The following SH3TC2 variants were observed in gnomAD, a reference collection of about 807,000 sequenced individuals.
SH3TC2 encodes SH3 domain and tetratricopeptide repeats 2.
Under a neutral mutation model 124.5 loss-of-function variants are expected in SH3TC2, and 87 were observed. That is an observed-to-expected ratio of 0.70 (90% confidence interval 0.59 to 0.84). SH3TC2 has a LOEUF of 0.84. Ranked by LOEUF, SH3TC2 falls within the 40% of genes least tolerant of loss-of-function variation. The probability of loss-of-function intolerance (pLI) is 0.00; values close to 1 mark genes in which losing one functional copy is unlikely to be tolerated. For synonymous variants in SH3TC2, 634 were observed against 628.5 expected (o/e 1.01, Z -0.13); for missense variants, 1,536 against 1,566.4 (o/e 0.98, Z 0.33).
At chr5:149,038,264 G>C (rs1364236520) in intron 8 of SH3TC2, 31 bp downstream of exon 8, 2 of 1,605,854 alleles carry the variant, frequency 1.2e-6, no homozygotes, top group Admixed American at 3.3e-5. Context: ...AGGGAGCCCA[G>C]CTCCAGGACA....
rs747636302 is a variant in SH3TC2 at position 149,027,385 on chromosome 5, C to T, written c.2347G>A (p.Ala783Thr). ...PDGAIHYLSQ[A>T]LVLGQLLGEQ... ...CCCAGCAGCTGCCCTAGCACCAAGG[C>T]CTGGCTCAGGTAGTGGATGGCACCG... The change falls in exon 11 of 17, where the codon GCC becomes ACC. Residue 783 changes from alanine (A) to threonine (T), a missense_variant. Coordinates refer to ENST00000515425, the MANE Select transcript of SH3TC2 (RefSeq NM_024577.4). 6.2e-7 allele frequency: 1 copy of T among 1,614,150 alleles called. No homozygotes were observed. Among genetic ancestry groups the T allele is most frequent in the Non-Finnish European group, 8.5e-7 (1 of 1,180,022 alleles).
At chr5:149,051,081 C>T (rs1561773020) in intron 2 of SH3TC2, among the ~76,000 whole-genome samples, 1 of 152,170 alleles carries the variant, frequency 6.6e-6, no homozygotes, top group Non-Finnish European at 1.5e-5. Context: ...TCCCATCTAC[C>T]GTACAACAGA....
Position 148,991,624 on chromosome 5 carries a change from T to A in SH3TC2, c.*13087A>T, listed in dbSNP as rs1753420972. Among the ~76,000 whole-genome samples, 1 of 152,172 alleles carries A rather than the reference T, an allele frequency of 6.6e-6. No individual in the cohort carries two copies. The highest frequency in any genetic ancestry group is 6.5e-5 in the Admixed American group (1 of 15,278). On this transcript the variant is annotated 3_prime_UTR_variant, in exon 17 of 17. Transcript: ENST00000515425. ...GTCTCCAGACATTGCAGCTGGGTGG[T>A]TGAAATGCTTGCTCTGGGAGGGGTG...
intron 8 of SH3TC2, among the ~76,000 whole-genome samples, chr5:149,032,731 T>C (rs1401465222): frequency 6.6e-6 from 1 of 152,156 alleles, no homozygotes; most frequent in African/African-American, 2.4e-5. Context: ...CTTCTCTAAT[T>C]AAAGCAGTGT....
intron 16 of SH3TC2, 78 bp downstream of exon 16, chr5:149,006,803 G>C (rs1753697599): frequency 7.0e-7 from 1 of 1,419,886 alleles, no homozygotes. Flanking sequence ...CACCACAAAG[G>C]CTCCTCATTG....
In SH3TC2 at chr5:148,994,652, T is replaced by C. The variant is rs1753476278; in HGVS notation, c.*10059A>G. ...GTTGGTTGGTTGGTTGGTTGGTTGG[T>C]TGGTTGGTTAATTGGCTGGTTGGAT... On this transcript the variant is annotated 3_prime_UTR_variant, in exon 17 of 17. Coordinates refer to ENST00000515425, the MANE Select transcript of SH3TC2 (RefSeq NM_024577.4). 6.7e-6 allele frequency among the ~76,000 whole-genome samples: 1 copy of C among 149,754 alleles called. No homozygotes were observed.
intron 8 of SH3TC2, among the ~76,000 whole-genome samples, chr5:149,036,470 G>C (rs1287451978): frequency 6.6e-6 from 1 of 152,102 alleles, no homozygotes; most frequent in Non-Finnish European, 1.5e-5. Flanking sequence ...ATCCTCCAGG[G>C]TTCTTCCCCC....
intron 12 of SH3TC2, among the ~76,000 whole-genome samples, chr5:149,014,849 G>A (rs1561759707): frequency 6.6e-6 from 1 of 152,148 alleles, no homozygotes; most frequent in Non-Finnish European, 1.5e-5. Context: ...CAGCAGGCCT[G>A]GCCTCCACAA....
intron 12 of SH3TC2, among the ~76,000 whole-genome samples, chr5:149,012,966 C>T (rs1225329826): frequency 2.0e-5 from 3 of 152,080 alleles, no homozygotes; most frequent in Admixed American, 6.6e-5. Flanking sequence ...ATAATTGTGC[C>T]CACCTGAGCG....
At position 149,027,822 on chromosome 5, in the gene SH3TC2, A is replaced by G; in HGVS notation, c.1910T>C (p.Phe637Ser). Residue 637 changes from phenylalanine (F) to serine (S), a missense_variant, in exon 11 of 17, where the codon TTT (phenylalanine) becomes TCT (serine). By Grantham distance (155) the Phe-to-Ser change is radical. Around this residue, in one of 3 missense-constraint regions of SH3TC2, gnomAD observed 1,102 missense variants for 1,098.6 expected, o/e 1.00. Transcript: ENST00000515425. ...GSSPLEARAC[F>S]LAIRLLLSLG... Reference sequence around the variant, plus strand: ...GCTCAGGAGCAAGCGGATGGCCAGAAAGCAGGCCCTGGCCTCCAGCGGGCT... The same window carrying G: ...GCTCAGGAGCAAGCGGATGGCCAGAGAGCAGGCCCTGGCCTCCAGCGGGCT... The G allele has an allele frequency of 6.2e-7, 1 of 1,613,894 alleles. No individual in the cohort carries two copies. The highest frequency in any genetic ancestry group is 1.7e-5 in the Admixed American group (1 of 60,024).
Position 148,997,089 on chromosome 5 carries a change from A to G in SH3TC2, c.*7622T>C, listed in dbSNP as rs1753521073. 6.6e-6 allele frequency among the ~76,000 whole-genome samples: 1 copy of G among 152,214 alleles called. No individual in the cohort carries two copies. Among genetic ancestry groups the G allele is most frequent in the Non-Finnish European group, 1.5e-5 (1 of 68,042 alleles). On this transcript the variant is annotated 3_prime_UTR_variant, in exon 17 of 17. Coordinates refer to ENST00000515425, the MANE Select transcript of SH3TC2 (RefSeq NM_024577.4). ...TATTTGTTTTGCAACACATATTTGG[A>G]TGAGAAGGATGTTCCTAATAGCTTT... is the stretch of plus-strand genomic sequence containing the variant.
In SH3TC2 at chr5:148,992,935, C is replaced by G. The variant is rs1280302240; in HGVS notation, c.*11776G>C. 6.6e-6 allele frequency among the ~76,000 whole-genome samples: 1 copy of G among 152,158 alleles called. No individual in the cohort carries two copies. Among genetic ancestry groups the G allele is most frequent in the African/African-American group, 2.4e-5 (1 of 41,422 alleles). On this transcript the variant is annotated 3_prime_UTR_variant, in exon 17 of 17. Transcript: ENST00000515425. ...TATCATTGACTTTAACTTTGGTCCTCTGTATCTCATCATTTCCTTGAAGTT... is the reference window on the plus strand; with the variant it reads ...TATCATTGACTTTAACTTTGGTCCTGTGTATCTCATCATTTCCTTGAAGTT...
At chr5:149,007,117 C>T (rs774544516) in intron 15 of SH3TC2, 40 bp from the exon 16 acceptor site, 6 of 1,586,270 alleles carry the variant, frequency 3.8e-6, no homozygotes, top group Admixed American at 1.7e-5. Flanking sequence ...CTGCAACCAA[C>T]ACTTTGCATC....
chr5:149,021,884 CTTTTTTTTTTTTTTTTTTTTTTTTTT>C lies in SH3TC2; in HGVS notation c.3053+4662_3053+4687del, dbSNP rs869151294. On this transcript the variant is annotated intron_variant, in intron 12 of 16. Transcript: ENST00000515425. ...AACACCAATCCTTCACAAACTCTTT[CTTTTTTTTTTTTTTTTTTTTTTTTTT>C]TTTTTTTTTTTTTTTTTTTTTGAGA... 4.0e-4 allele frequency among the ~76,000 whole-genome samples: 13 copies of C among 32,866 alleles called. 1 individual carries two copies. The highest frequency in any genetic ancestry group is 2.3e-3 in the South Asian group (2 of 880). The allele number at this position is 32,866 out of a possible 152,430, so 21.6% of individuals were successfully genotyped here. A position where few individuals can be genotyped will look rare whatever the true frequency, so the allele number is the denominator to read the frequency against.
intron 3 of SH3TC2, chr5:149,047,405 G>A (rs1425980272): frequency 5.6e-6 from 1 of 179,164 alleles, no homozygotes; most frequent in Non-Finnish European, 1.2e-5. Flanking sequence ...AAGTTCTGGA[G>A]GTGGATAGGT....
Position 149,001,133 on chromosome 5 carries a change from G to A in SH3TC2, c.*3578C>T, listed in dbSNP as rs1335963761. Among the ~76,000 whole-genome samples, 3 of 151,846 alleles carry A rather than the reference G, an allele frequency of 2.0e-5. No individual in the cohort carries two copies. Among genetic ancestry groups the A allele is most frequent in the Non-Finnish European group, 4.4e-5 (3 of 68,014 alleles). On this transcript the variant is annotated 3_prime_UTR_variant, in exon 17 of 17. Transcript: ENST00000515425. ...CCCCAAATAAACTTCTGCCAAATGA[G>A]GTGCATTATATTTACAAAGAGGAAG... is the stretch of plus-strand genomic sequence containing the variant.
intron 12 of SH3TC2, among the ~76,000 whole-genome samples, chr5:149,025,090 T>A (rs1754041216): frequency 6.6e-6 from 1 of 152,134 alleles, no homozygotes; most frequent in African/African-American, 2.4e-5. Context: ...GACTATGTCA[T>A]CTCAATAGTT....
At chr5:149,021,754 T>C (rs575320673) in intron 12 of SH3TC2, among the ~76,000 whole-genome samples, 1 of 152,104 alleles carries the variant, frequency 6.6e-6, no homozygotes. Context: ...CTAATGATAT[T>C]GAATTAGCAA....
At position 149,027,539 on chromosome 5, in the gene SH3TC2, T is replaced by C. The variant is rs1406581397; in HGVS notation, c.2193A>G (p.Glu731=). 1 of 1,614,030 alleles carries C rather than the reference T, an allele frequency of 6.2e-7. No homozygotes were observed. The highest frequency in any genetic ancestry group is 1.7e-5 in the Admixed American group (1 of 59,996). The change falls in exon 11 of 17, where the codon GAA becomes GAG. Residue 731 remains glutamate, a synonymous_variant. Coordinates refer to ENST00000515425, the MANE Select transcript of SH3TC2 (RefSeq NM_024577.4). The stretch of plus-strand genomic sequence containing the variant: ...GCATTGGGCAGGCCAAGGCAGAAAC[T>C]TCACCCCAGCCTGGGGAAGGAAAGC... ...LLGFPSPGWG[E]VSALACPMLR...
Sources: allele counts gnomAD v4.1 joint callset (sites outside exome capture counted in the v4.1 genomes callset), GRCh38; gene constraint gnomAD v4.1.1; regional missense constraint gnomAD v4.1.1; transcripts MANE v1.5; gene names NCBI Gene and HGNC (gene_info 2026-07-23, HGNC 2026-07-21).